Variants in CADM2 observed in about 807,000 individuals in gnomAD.
CADM2 encodes the protein immunoglobulin superfamily member 4D.
A neutral mutation model predicts 49.8 loss-of-function variants in CADM2; 12 were observed. The observed-to-expected ratio is 0.24, with a 90% CI of 0.15 to 0.39. The LOEUF (loss-of-function observed/expected upper bound fraction) is 0.39, where lower values mean the gene tolerates loss of function less well. Among genes scored for constraint, CADM2 ranks in the 10% least tolerant of loss-of-function variants. CADM2 has a pLI of 1.00. For synonymous variants in CADM2, 214 were observed against 175.4 expected, an observed-to-expected ratio of 1.22 and a Z score of -1.74; for missense variants, 378 against 492.3, an observed-to-expected ratio of 0.77 and a Z score of 2.20.
intron 1 of CADM2, among the ~76,000 whole-genome samples, chr3:84,968,461 G>A (rs908217826): frequency 3.3e-5 from 5 of 152,046 alleles, no homozygotes; most frequent in Non-Finnish European, 1.5e-5. Context: ...TAAGTTCACT[G>A]TCATGTATTA....
At chr3:85,773,374 G>T (rs1489616051) in intron 2 of CADM2, among the ~76,000 whole-genome samples, 1 of 151,962 alleles carries the variant, frequency 6.6e-6, no homozygotes, top group Non-Finnish European at 1.5e-5. Flanking sequence ...TGGAGGAAAA[G>T]TGTTTTCATA....
intron 1 of CADM2, among the ~76,000 whole-genome samples, chr3:84,997,754 A>T (rs1288628098): frequency 6.6e-6 from 1 of 152,140 alleles, no homozygotes; most frequent in Non-Finnish European, 1.5e-5. Context: ...GAAATAAAAC[A>T]AAAACCCACA....
chr3:85,318,990 A>G (rs2044536730), intron 1 of CADM2, among the ~76,000 whole-genome samples: 1 of 152,210 alleles, frequency 6.6e-6, no homozygotes, highest in Non-Finnish European at 1.5e-5. Context: ...TTTTTCAGAT[A>G]GCTTGGTTTA....
intron 1 of CADM2, among the ~76,000 whole-genome samples, chr3:85,230,827 A>C (rs2042269085): frequency 6.6e-6 from 1 of 152,082 alleles, no homozygotes; most frequent in Non-Finnish European, 1.5e-5. Context: ...TGTCCTTTTG[A>C]ACCTTCTCAT....
chr3:86,043,159 A>C (rs1736181491), intron 8 of CADM2, among the ~76,000 whole-genome samples: 4 of 152,226 alleles, frequency 2.6e-5, no homozygotes, highest in African/African-American at 9.6e-5. Context: ...ATTCGCTTTG[A>C]AAACTGGCAC....
At chr3:85,988,519 T>A (rs1340718915) in intron 8 of CADM2, among the ~76,000 whole-genome samples, 1 of 152,128 alleles carries the variant, frequency 6.6e-6, no homozygotes, top group Admixed American at 6.6e-5. Flanking sequence ...AGAAAAAGAA[T>A]TTGCCCCAGT....
chr3:85,435,600 C>T (rs1433925567), intron 1 of CADM2, among the ~76,000 whole-genome samples: 3 of 152,112 alleles, frequency 2.0e-5, no homozygotes, highest in South Asian at 4.1e-4. Flanking sequence ...ACACTGTCTT[C>T]CGCAATGGTT....
intron 2 of CADM2, among the ~76,000 whole-genome samples, chr3:85,738,619 T>C (rs961021414): frequency 6.6e-6 from 1 of 152,212 alleles, no homozygotes; most frequent in Non-Finnish European, 1.5e-5. Context: ...TTTATCACTA[T>C]TTCAATCATC....
At chr3:85,650,590 G>T (rs1169239721) in intron 1 of CADM2, among the ~76,000 whole-genome samples, 1 of 151,196 alleles carries the variant, frequency 6.6e-6, no homozygotes, top group Admixed American at 6.6e-5. Context: ...GTATAAATGT[G>T]CAGCATTGGT....
rs1164183777 is a variant in CADM2 at position 85,642,569 on chromosome 3, A to C, written c.62-83953A>C. Among the ~76,000 whole-genome samples the C allele has an allele frequency of 2.0e-5, 3 of 152,184 alleles. No individual in the cohort carries two copies. In the East Asian group the frequency reaches 5.8e-4, roughly 29 times the overall value. Reference sequence around the variant, plus strand: ...AGAAATTTAGTTTAAGATTTAATCAATTATGATGATAAAATTTTTAGGAAA... The same window carrying C: ...AGAAATTTAGTTTAAGATTTAATCACTTATGATGATAAAATTTTTAGGAAA... On this transcript the variant is annotated intron_variant, in intron 1 of 9. Transcript: ENST00000383699.
chr3:85,729,822 C>G (rs62261697), intron 2 of CADM2, among the ~76,000 whole-genome samples: 1 of 152,094 alleles, frequency 6.6e-6, no homozygotes, highest in Non-Finnish European at 1.5e-5. Flanking sequence ...TGTTTTCTTT[C>G]TAAGGGTTTT....
At chr3:85,318,365 G>A (rs935177047) in intron 1 of CADM2, among the ~76,000 whole-genome samples, 2 of 152,034 alleles carry the variant, frequency 1.3e-5, no homozygotes, top group African/African-American at 4.8e-5. Context: ...CAAGATAATG[G>A]CAGATGCAGT....
intron 1 of CADM2, among the ~76,000 whole-genome samples, chr3:85,500,340 A>G (rs191812197): frequency 1.3e-5 from 2 of 152,282 alleles, no homozygotes; most frequent in Admixed American, 6.5e-5. Flanking sequence ...TTAAAAATGC[A>G]TATGTTTGCA....
chr3:85,347,084 A>G (rs1279843988), intron 1 of CADM2, among the ~76,000 whole-genome samples: 1 of 151,904 alleles, frequency 6.6e-6, no homozygotes, highest in Non-Finnish European at 1.5e-5. Context: ...TTAGCCAGGT[A>G]TGGTGGTGCA....
At chr3:85,610,258 C>G (rs2063644238) in intron 1 of CADM2, among the ~76,000 whole-genome samples, 1 of 151,876 alleles carries the variant, frequency 6.6e-6, no homozygotes, top group Admixed American at 6.6e-5. Context: ...TAGTGGTCCC[C>G]ATGATGTAAC....
At chr3:85,604,854 G>A (rs2063504503) in intron 1 of CADM2, among the ~76,000 whole-genome samples, 1 of 151,950 alleles carries the variant, frequency 6.6e-6, no homozygotes, top group Non-Finnish European at 1.5e-5. Flanking sequence ...AAACAGCTGT[G>A]ATACATGCCA....
rs940442140 is a variant in CADM2 at position 85,293,798 on chromosome 3, A to G, written c.61+334130A>G. On this transcript the variant is annotated intron_variant, in intron 1 of 9. Transcript: ENST00000383699. Reference sequence around the variant, plus strand: ...TTGATGGGATGTATTTCAAAATAATAAGAGCTATCTATGACAAACCCACAG... The same window carrying G: ...TTGATGGGATGTATTTCAAAATAATGAGAGCTATCTATGACAAACCCACAG... 2.7e-5 allele frequency among the ~76,000 whole-genome samples: 4 copies of G among 148,662 alleles called. 1 individual carries two copies. Among genetic ancestry groups the G allele is most frequent in the African/African-American group, 1.0e-4 (4 of 40,116 alleles).
intron 1 of CADM2, among the ~76,000 whole-genome samples, chr3:85,492,486 G>A (rs747171114): frequency 2.6e-5 from 4 of 152,002 alleles, no homozygotes; most frequent in African/African-American, 9.7e-5. Flanking sequence ...CAGCTACTCG[G>A]AAGGCTGAGG....
At chr3:85,946,454 A>C (rs1722709169) in intron 7 of CADM2, among the ~76,000 whole-genome samples, 1 of 152,130 alleles carries the variant, frequency 6.6e-6, no homozygotes, top group Non-Finnish European at 1.5e-5. Flanking sequence ...GGAACCAAAA[A>C]AGAGCCCGCA....
Sources: allele counts gnomAD v4.1 joint callset (sites outside exome capture counted in the v4.1 genomes callset), GRCh38; gene constraint gnomAD v4.1.1; transcripts MANE v1.5; gene names NCBI Gene and HGNC (gene_info 2026-07-23, HGNC 2026-07-21).